The following LY75 variants were observed in gnomAD, a reference collection of about 807,000 sequenced individuals.
LY75 encodes lymphocyte antigen 75.
LY75 carries 185 observed loss-of-function variants against 231.7 expected under a neutral mutation model. The ratio of observed to expected loss-of-function variants is 0.80; its 90% CI spans 0.71 to 0.90. The LOEUF (loss-of-function observed/expected upper bound fraction) is 0.90. LY75 is among the 40% of genes least tolerant of loss of function. The pLI is 0.00. For missense variants in LY75, 1,947 were observed against 2,050.2 expected (o/e 0.95, Z 0.97); for synonymous variants, 668 against 689.0 (o/e 0.97, Z 0.48).
intron 12 of LY75, 53 bp from the exon 13 acceptor site, chr2:159,872,646 A>G (rs1313834130): frequency 1.2e-5 from 19 of 1,584,326 alleles, no homozygotes; most frequent in African/African-American, 4.1e-5. Flanking sequence ...AAAGTATTTC[A>G]TAGTGCTAAA....
chr2:159,816,666 G>T, intron 30 of LY75, 140 bp downstream of exon 30: 1 of 1,272,984 alleles, frequency 7.9e-7, no homozygotes, highest in Non-Finnish European at 1.1e-6. Flanking sequence ...TGTTGTAAAA[G>T]GTAAGAAAGC....
intron 21 of LY75, among the ~76,000 whole-genome samples, chr2:159,851,987 G>A (rs1684413995): frequency 2.6e-5 from 4 of 152,164 alleles, no homozygotes; most frequent in African/African-American, 7.2e-5. Context: ...AAATAGAAAT[G>A]CTGCACTTTA....
chr2:159,810,254 G>A (rs1034334659), intron 32 of LY75, among the ~76,000 whole-genome samples: 6 of 151,096 alleles, frequency 4.0e-5, no homozygotes, highest in African/African-American at 1.5e-4. Flanking sequence ...GGATGGTCTT[G>A]ATCTCTTGAC....
intron 28 of LY75, among the ~76,000 whole-genome samples, chr2:159,828,438 T>C (rs1683546466): frequency 1.3e-5 from 2 of 151,970 alleles, no homozygotes; most frequent in Admixed American, 6.6e-5. Flanking sequence ...GGAAATGAAA[T>C]AAAAATCCCA....
At chr2:159,849,772 A>G (rs1337772949) in intron 23 of LY75, among the ~76,000 whole-genome samples, 4 of 151,868 alleles carry the variant, frequency 2.6e-5, no homozygotes, top group Admixed American at 2.6e-4. Flanking sequence ...CCCAAAAGAA[A>G]CTCCATACTC....
At chr2:159,897,980 T>C (rs527418006) in intron 2 of LY75, among the ~76,000 whole-genome samples, 1 of 152,286 alleles carries the variant, frequency 6.6e-6, no homozygotes, top group African/African-American at 2.4e-5. Context: ...TGCTGAATCA[T>C]AAATATAAAC....
chr2:159,889,183 A>AT (rs1429539678), intron 4 of LY75, among the ~76,000 whole-genome samples: 1 of 152,188 alleles, frequency 6.6e-6, no homozygotes, highest in Non-Finnish European at 1.5e-5. Context: ...ATAGAAAAGC[A>AT]TATCATTTTC....
intron 28 of LY75, among the ~76,000 whole-genome samples, chr2:159,829,387 A>C (rs1211351690): frequency 6.6e-6 from 1 of 152,204 alleles, no homozygotes; most frequent in Non-Finnish European, 1.5e-5. Context: ...AGAAAAAGTC[A>C]CTTTTTTCAC....
chr2:159,805,314 C>T, intron 34 of LY75, 92 bp from the exon 35 acceptor site: 5 of 891,722 alleles, frequency 5.6e-6, no homozygotes, highest in East Asian at 2.5e-5. Flanking sequence ...CACATGTAAA[C>T]CTGTAAGCTG....
chr2:159,820,602 G>A (rs1354655587), intron 28 of LY75, among the ~76,000 whole-genome samples: 1 of 152,100 alleles, frequency 6.6e-6, no homozygotes, highest in East Asian at 1.9e-4. Flanking sequence ...TGTGATGGGT[G>A]CACCAAAATC....
At chr2:159,883,153 G>GAT (rs1685487309) in intron 6 of LY75, among the ~76,000 whole-genome samples, 1 of 119,172 alleles carries the variant, frequency 8.4e-6, no homozygotes, top group South Asian at 3.3e-4. Flanking sequence ...AGGGGGGAGG[G>GAT]ATAGCATTGG....
chr2:159,868,766 C>T (rs1684925651), intron 13 of LY75, among the ~76,000 whole-genome samples: 2 of 152,158 alleles, frequency 1.3e-5, no homozygotes, highest in African/African-American at 4.8e-5. Context: ...GTTAGAGTTA[C>T]TAACCTCTTG....
intron 29 of LY75, among the ~76,000 whole-genome samples, chr2:159,818,868 A>G (rs1473811589): frequency 1.3e-5 from 2 of 152,212 alleles, no homozygotes; most frequent in Non-Finnish European, 1.5e-5. Flanking sequence ...AGGTGCAAGT[A>G]TGAGGATGGG....
intron 31 of LY75, among the ~76,000 whole-genome samples, chr2:159,811,949 T>A (rs1218402529): frequency 2.0e-5 from 3 of 152,228 alleles, no homozygotes; most frequent in African/African-American, 7.2e-5. Flanking sequence ...TCATCAATGC[T>A]GCTGTTGAAA....
chr2:159,897,494 T>G (rs1245057265), intron 2 of LY75, among the ~76,000 whole-genome samples: 2 of 152,206 alleles, frequency 1.3e-5, no homozygotes, highest in Non-Finnish European at 2.9e-5. Context: ...TCTCTAATTC[T>G]CTAATATTTC....
At chr2:159,879,654 G>T (rs1165246832) in intron 8 of LY75, among the ~76,000 whole-genome samples, 5 of 152,122 alleles carry the variant, frequency 3.3e-5, no homozygotes, top group Middle Eastern at 3.2e-3. Context: ...AAAAGTTGAA[G>T]AGAGAAGAAC....
At chr2:159,826,434 C>A (rs1214371963) in intron 28 of LY75, among the ~76,000 whole-genome samples, 1 of 152,118 alleles carries the variant, frequency 6.6e-6, no homozygotes, top group Non-Finnish European at 1.5e-5. Flanking sequence ...GAACTACAAA[C>A]CACTGCTCAA....
chr2:159,884,213 G>A (rs1473254750), intron 6 of LY75, among the ~76,000 whole-genome samples: 1 of 152,194 alleles, frequency 6.6e-6, no homozygotes, highest in Admixed American at 6.5e-5. Flanking sequence ...CCCCAGCCAC[G>A]TGAGATTGTA....
At chr2:159,874,543 ATG>A (rs1360191393) in intron 12 of LY75, among the ~76,000 whole-genome samples, 2,286 of 21,164 alleles carry the variant, frequency 0.11, 639 homozygotes, top group South Asian at 0.37. Context: ...CTATATAAAT[ATG>A]TACATATTTT....
Sources: allele counts gnomAD v4.1 joint callset (sites outside exome capture counted in the v4.1 genomes callset), GRCh38; gene constraint gnomAD v4.1.1; transcripts MANE v1.5; gene names NCBI Gene and HGNC (gene_info 2026-07-23, HGNC 2026-07-21).